Variants in ULK2 observed in about 807,000 individuals in gnomAD.
The protein encoded by ULK2 is unc-51 like autophagy activating kinase 2, also known as serine/threonine-protein kinase ULK2.
A neutral mutation model predicts 127.5 loss-of-function variants in ULK2; 76 were observed. The ratio of observed to expected loss-of-function variants is 0.60; its 90% CI spans 0.50 to 0.72. The LOEUF (loss-of-function observed/expected upper bound fraction) is 0.72, where lower values mean the gene tolerates loss of function less well. Among genes scored for constraint, ULK2 ranks in the 30% least tolerant of loss-of-function variants. ULK2 has a pLI of 0.00. For synonymous variants in ULK2, 452 were observed against 461.9 expected (o/e 0.98, Z 0.28); for missense variants, 1,144 against 1,295.9 (o/e 0.88, Z 1.80).
At chr17:19,863,143 G>A (rs932346781) in intron 3 of ULK2, among the ~76,000 whole-genome samples, 1 of 151,968 alleles carries the variant, frequency 6.6e-6, no homozygotes, top group Non-Finnish European at 1.5e-5. Flanking sequence ...TAACCCGGGG[G>A]GGCAGAGGTT....
intron 20 of ULK2, among the ~76,000 whole-genome samples, chr17:19,790,539 C>A (rs1425609310): frequency 6.6e-6 from 1 of 151,682 alleles, no homozygotes; most frequent in Non-Finnish European, 1.5e-5. Context: ...ATCAGTGATA[C>A]CACCAGAGAA....
At chr17:19,833,149 A>C (rs2041504974) in intron 10 of ULK2, among the ~76,000 whole-genome samples, 1 of 143,356 alleles carries the variant, frequency 7.0e-6, no homozygotes, top group South Asian at 2.3e-4. Context: ...AAAAAAAAAA[A>C]ACAGAACAAC....
chr17:19,817,570 T>C (rs1255898771), intron 12 of ULK2, among the ~76,000 whole-genome samples: 1 of 152,226 alleles, frequency 6.6e-6, no homozygotes, highest in Non-Finnish European at 1.5e-5. Context: ...CATGTAAATA[T>C]ATTTAAACAA....
chr17:19,795,008 G>A (rs956858324), intron 20 of ULK2, among the ~76,000 whole-genome samples: 19 of 152,146 alleles, frequency 1.2e-4, no homozygotes, highest in Non-Finnish European at 2.4e-4. Flanking sequence ...GAACCCGGGA[G>A]GCGGAGCTTG....
At chr17:19,780,769 T>G in intron 24 of ULK2, 140 bp from the exon 25 acceptor site, 1 of 1,066,134 alleles carries the variant, frequency 9.4e-7, no homozygotes, top group Non-Finnish European at 1.3e-6. Context: ...TAGGATTTTT[T>G]CATGTTATCT....
intron 23 of ULK2, 73 bp from the exon 24 acceptor site, chr17:19,781,177 C>T (rs2086911359): frequency 7.9e-7 from 1 of 1,267,692 alleles, no homozygotes; most frequent in African/African-American, 1.5e-5. Flanking sequence ...CACAACAGGT[C>T]ACCATTAAAA....
intron 21 of ULK2, chr17:19,784,122 CA>C: frequency 5.1e-6 from 2 of 391,844 alleles, no homozygotes; most frequent in Non-Finnish European, 8.8e-6. Context: ...TAGACATCAT[CA>C]GAGCTAGTTT....
rs938960826 is a variant in ULK2 at position 19,774,664 on chromosome 17, T to A, written c.*1685A>T. On this transcript the variant is annotated 3_prime_UTR_variant, in exon 27 of 27. Transcript: ENST00000395544. ...CTAAATCCTGGGGCAGGACAAAGGATATTCATGGCCAAGTCTCTAAACTCA... is the reference window on the plus strand; with the variant it reads ...CTAAATCCTGGGGCAGGACAAAGGAAATTCATGGCCAAGTCTCTAAACTCA... 4.6e-5 allele frequency: 7 copies of A among 152,240 alleles called. No homozygotes were observed. The highest frequency in any genetic ancestry group is 1.7e-4 in the African/African-American group (7 of 41,458). 9.4% of individuals were successfully genotyped at this position (152,240 alleles called of 1,614,324 possible). A position where few individuals can be genotyped will look rare whatever the true frequency, so the allele number is the denominator to read the frequency against.
chr17:19,841,423 C>T, intron 9 of ULK2, 66 bp downstream of exon 9: 2 of 1,422,366 alleles, frequency 1.4e-6, no homozygotes, highest in Middle Eastern at 2.4e-4. Flanking sequence ...ACACAAAACA[C>T]AAACAGTTCA....
In ULK2 at chr17:19,845,713, T is replaced by C. The variant is rs149277085; in HGVS notation, c.470-336A>G. On this transcript the variant is annotated intron_variant, in intron 6 of 26. Coordinates refer to ENST00000395544, the MANE Select transcript of ULK2 (RefSeq NM_014683.4). Reference sequence around the variant, plus strand: ...TGTAGAATGTGAACAATTATGCTTTTATTGTTTCAAATAATTTTGAGGTAC... The same window carrying C: ...TGTAGAATGTGAACAATTATGCTTTCATTGTTTCAAATAATTTTGAGGTAC... Among the ~76,000 whole-genome samples, 4 of 152,316 alleles carry C rather than the reference T, an allele frequency of 2.6e-5. No individual in the cohort carries two copies. The East Asian group carries it at 7.7e-4, about 29-fold the overall frequency.
intron 10 of ULK2, among the ~76,000 whole-genome samples, chr17:19,833,311 G>A (rs764231050): frequency 5.3e-5 from 8 of 152,186 alleles, no homozygotes; most frequent in African/African-American, 1.4e-4. Context: ...AGAAACTGTC[G>A]TGAGGGGGCC....
At chr17:19,854,401 T>G (rs1044797822) in intron 3 of ULK2, among the ~76,000 whole-genome samples, 3 of 152,038 alleles carry the variant, frequency 2.0e-5, no homozygotes, top group African/African-American at 7.2e-5. Context: ...ATACCAAAGG[T>G]TGCAAAAATA....
At chr17:19,807,755 T>C (rs891553891) in intron 14 of ULK2, among the ~76,000 whole-genome samples, 2 of 152,110 alleles carry the variant, frequency 1.3e-5, no homozygotes, top group African/African-American at 2.4e-5. Flanking sequence ...AGAAACAAGA[T>C]TGTACAAGAT....
chr17:19,825,842 C>G (rs540054379), intron 11 of ULK2, among the ~76,000 whole-genome samples: 1 of 151,068 alleles, frequency 6.6e-6, no homozygotes, highest in Non-Finnish European at 1.5e-5. Context: ...CAAAATTAGC[C>G]GGGCATGGTG....
chr17:19,843,728 G>C (rs996828918), intron 7 of ULK2, among the ~76,000 whole-genome samples: 4 of 149,706 alleles, frequency 2.7e-5, no homozygotes, highest in Non-Finnish European at 1.5e-5. Flanking sequence ...GCGTGATCTC[G>C]GCTCACTGCA....
At chr17:19,801,345 G>C (rs749361709) in intron 16 of ULK2, among the ~76,000 whole-genome samples, 1 of 152,182 alleles carries the variant, frequency 6.6e-6, no homozygotes, top group African/African-American at 2.4e-5. Context: ...AGGCCAAGGC[G>C]AGTGGATGCT....
intron 13 of ULK2, among the ~76,000 whole-genome samples, chr17:19,810,752 G>T (rs1597746284): frequency 6.6e-6 from 1 of 152,138 alleles, no homozygotes; most frequent in Non-Finnish European, 1.5e-5. Context: ...TTTTTATCAG[G>T]TTCCTTTTTC....
chr17:19,822,902 G>A (rs1012335940), intron 12 of ULK2, among the ~76,000 whole-genome samples: 2 of 151,582 alleles, frequency 1.3e-5, no homozygotes, highest in African/African-American at 2.4e-5. Context: ...TAGCCAGGAC[G>A]GTCTTGATAT....
chr17:19,790,423 TA>T (rs539675176), intron 20 of ULK2, among the ~76,000 whole-genome samples: 72 of 151,748 alleles, frequency 4.7e-4, no homozygotes, highest in African/African-American at 1.6e-3. Flanking sequence ...ATCTCAAAAA[TA>T]AAAAAATTGA....
Sources: allele counts gnomAD v4.1 joint callset (sites outside exome capture counted in the v4.1 genomes callset), GRCh38; gene constraint gnomAD v4.1.1; transcripts MANE v1.5; gene names NCBI Gene and HGNC (gene_info 2026-07-23, HGNC 2026-07-21).